NTM: variants seen among roughly 807,000 people sequenced by gnomAD.
NTM encodes the protein neurotrimin.
Under a neutral mutation model 42.1 loss-of-function variants are expected in NTM, and 13 were observed. The observed-to-expected ratio is 0.31, with a 90% CI of 0.20 to 0.49. The LOEUF is 0.49. Among genes scored for constraint, NTM ranks in the 20% least tolerant of loss-of-function variants. The pLI, the probability that NTM is intolerant of heterozygous loss-of-function variation, is 0.99. For missense variants in NTM, 373 were observed against 452.8 expected, an observed-to-expected ratio of 0.82 and a Z score of 1.60; for synonymous variants, 187 against 179.2, an observed-to-expected ratio of 1.04 and a Z score of -0.35.
chr11:131,472,850 A>C (rs1433673450), intron 1 of NTM, among the ~76,000 whole-genome samples: 1 of 152,114 alleles, frequency 6.6e-6, no homozygotes, highest in Non-Finnish European at 1.5e-5. Context: ...TCTGACTCCG[A>C]AGCCCACATT....
At chr11:131,496,446 C>T (rs1346532396) in intron 1 of NTM, among the ~76,000 whole-genome samples, 1 of 152,224 alleles carries the variant, frequency 6.6e-6, no homozygotes, top group Admixed American at 6.5e-5. Context: ...CAGCGTCTTG[C>T]TGCAGACAAA....
chr11:131,565,594 G>C (rs1348032963), intron 1 of NTM, among the ~76,000 whole-genome samples: 1 of 152,166 alleles, frequency 6.6e-6, no homozygotes, highest in African/African-American at 2.4e-5. Flanking sequence ...ACTTTGTATG[G>C]TACTCAATAA....
intron 2 of NTM, among the ~76,000 whole-genome samples, chr11:132,058,990 CG>C (rs2080176914): frequency 6.6e-6 from 1 of 152,180 alleles, no homozygotes; most frequent in South Asian, 2.1e-4. Context: ...TGGTATCAAG[CG>C]TGCAAACTCT....
At chr11:131,379,864 C>A (rs111367407) in intron 1 of NTM, among the ~76,000 whole-genome samples, 3 of 152,162 alleles carry the variant, frequency 2.0e-5, no homozygotes, top group Non-Finnish European at 4.4e-5. Context: ...TGTTCTGCTT[C>A]CTCTGCATCC....
chr11:131,794,653 C>A, intron 1 of NTM: 1 of 855,500 alleles, frequency 1.2e-6, no homozygotes, highest in Non-Finnish European at 1.4e-6. Context: ...ATGAGTAGTG[C>A]ATATACGGGC....
chr11:131,637,318 T>C (rs2134186760), intron 1 of NTM, among the ~76,000 whole-genome samples: 1 of 151,994 alleles, frequency 6.6e-6, no homozygotes, highest in South Asian at 2.1e-4. Flanking sequence ...AAAGAGACAC[T>C]CCAGGTGCCA....
At chr11:132,297,727 A>T (rs2094675100) in intron 4 of NTM, among the ~76,000 whole-genome samples, 2 of 152,028 alleles carry the variant, frequency 1.3e-5, no homozygotes, top group African/African-American at 4.8e-5. Context: ...CAGACATGTG[A>T]GTTGACATGG....
In NTM at chr11:132,098,968, G is replaced by C. The variant is rs189746108; in HGVS notation, c.168-47314G>C. ...AAACATTATGTTCATGTTTAATCGGGAGCGATAGTTTTGTCTTCTTTATAA... is the reference window on the plus strand; with the variant it reads ...AAACATTATGTTCATGTTTAATCGGCAGCGATAGTTTTGTCTTCTTTATAA... On this transcript the variant is annotated intron_variant, in intron 2 of 8. Transcript: ENST00000683400. Among the ~76,000 whole-genome samples, 8 of 152,328 alleles carry C rather than the reference G, an allele frequency of 5.3e-5. No homozygotes were observed. In the East Asian group the frequency reaches 1.5e-3, roughly 29 times the overall value.
intron 2 of NTM, among the ~76,000 whole-genome samples, chr11:132,043,466 G>C (rs914953729): frequency 6.6e-6 from 1 of 152,180 alleles, no homozygotes; most frequent in Admixed American, 6.6e-5. Flanking sequence ...TGCATCCTCT[G>C]TCACTGTACA....
At chr11:131,545,858 T>C (rs1222774669) in intron 1 of NTM, among the ~76,000 whole-genome samples, 2 of 152,174 alleles carry the variant, frequency 1.3e-5, no homozygotes, top group Non-Finnish European at 2.9e-5. Flanking sequence ...AGTGCCTTCA[T>C]GCAAAGAACA....
intron 1 of NTM, among the ~76,000 whole-genome samples, chr11:131,552,187 A>T (rs2054761892): frequency 6.6e-6 from 1 of 152,138 alleles, no homozygotes; most frequent in Non-Finnish European, 1.5e-5. Flanking sequence ...AGAGGAAAAG[A>T]GAGAGAGAGG....
intron 1 of NTM, among the ~76,000 whole-genome samples, chr11:131,908,624 A>G (rs487518): frequency 0.54 from 82,863 of 152,112 alleles, 22,844 homozygotes; most frequent in East Asian, 0.71. Flanking sequence ...AGCATAAGGG[A>G]TGGTTGAAAT....
intron 1 of NTM, among the ~76,000 whole-genome samples, chr11:131,813,148 G>C (rs780664766): frequency 3.2e-4 from 49 of 152,312 alleles, no homozygotes; most frequent in Non-Finnish European, 4.9e-4. Flanking sequence ...CTGTCATTCA[G>C]CGTGTAGTGC....
chr11:131,465,425 G>A (rs1951792228), intron 1 of NTM, among the ~76,000 whole-genome samples: 1 of 152,140 alleles, frequency 6.6e-6, no homozygotes, highest in Non-Finnish European at 1.5e-5. Flanking sequence ...TAAACTAGAA[G>A]TACTAGACTG....
chr11:131,584,009 C>T (rs1441721603), intron 1 of NTM, among the ~76,000 whole-genome samples: 3 of 152,154 alleles, frequency 2.0e-5, no homozygotes, highest in African/African-American at 7.2e-5. Context: ...CTTTTGAGTC[C>T]ATTTTAGCTA....
intron 1 of NTM, among the ~76,000 whole-genome samples, chr11:131,560,454 C>T (rs2056085721): frequency 6.6e-6 from 1 of 152,068 alleles, no homozygotes; most frequent in Non-Finnish European, 1.5e-5. Context: ...AAATCAATAC[C>T]ATGAGGTTGG....
At chr11:132,184,136 G>C (rs1033642471) in intron 3 of NTM, among the ~76,000 whole-genome samples, 2 of 152,186 alleles carry the variant, frequency 1.3e-5, no homozygotes, top group Non-Finnish European at 2.9e-5. Context: ...AAAGCAGTGA[G>C]TTTACGGGGG....
At chr11:132,175,697 C>T (rs1189508502) in intron 3 of NTM, among the ~76,000 whole-genome samples, 1 of 151,888 alleles carries the variant, frequency 6.6e-6, no homozygotes, top group African/African-American at 2.4e-5. Flanking sequence ...ACTTCATTCT[C>T]CTGCCTCAGC....
chr11:131,818,180 C>T (rs560156923), intron 1 of NTM, among the ~76,000 whole-genome samples: 5 of 152,064 alleles, frequency 3.3e-5, no homozygotes, highest in Non-Finnish European at 7.4e-5. Context: ...CAGTGATTTC[C>T]AGGGAATTAA....
Sources: allele counts gnomAD v4.1 joint callset (sites outside exome capture counted in the v4.1 genomes callset), GRCh38; gene constraint gnomAD v4.1.1; transcripts MANE v1.5; gene names NCBI Gene and HGNC (gene_info 2026-07-23, HGNC 2026-07-21).